GCNT1: variants seen among roughly 807,000 people sequenced by gnomAD.
The protein encoded by GCNT1 is glucosaminyl (N-acetyl) transferase 1.
A neutral mutation model predicts 26.2 loss-of-function variants in GCNT1; 16 were observed. That is an observed-to-expected ratio of 0.61 (90% CI 0.41 to 0.93). GCNT1 has a LOEUF of 0.93. Among genes scored for constraint, GCNT1 ranks in the 40% least tolerant of loss-of-function variants. The pLI, the probability that GCNT1 is intolerant of heterozygous loss-of-function variation, is 0.00. For missense variants in GCNT1, 477 were observed against 526.7 expected, an observed-to-expected ratio of 0.91 and a Z score of 0.92; for synonymous variants, 183 against 190.8, an observed-to-expected ratio of 0.96 and a Z score of 0.34.
At chr9:76,450,318 A>G (rs1823644322) in intron 1 of GCNT1, among the ~76,000 whole-genome samples, 1 of 152,210 alleles carries the variant, frequency 6.6e-6, no homozygotes, top group African/African-American at 2.4e-5. Context: ...ACAGATGTGC[A>G]CTTTTATATT....
Position 76,494,647 on chromosome 9 carries a change from C to T in GCNT1, c.-289-6269C>T, listed in dbSNP as rs112108372. ...CCTGAAGTTTATACTAGAAATCATT[C>T]TTATAGGAGAAACTAGAAAAGCACC... On this transcript the variant is annotated intron_variant, in intron 2 of 3. Transcript: ENST00000376730. Among the ~76,000 whole-genome samples the T allele has an allele frequency of 8.0e-3, 1,213 of 152,226 alleles. 15 individuals carry two copies. Among genetic ancestry groups the T allele is most frequent in the African/African-American group, 0.026 (1,079 of 41,532 alleles).
At chr9:76,454,128 C>A (rs1401411004) in intron 1 of GCNT1, among the ~76,000 whole-genome samples, 1 of 151,774 alleles carries the variant, frequency 6.6e-6, no homozygotes, top group Non-Finnish European at 1.5e-5. Flanking sequence ...TGCCTGTAAT[C>A]CCAGCACTCT....
At chr9:76,404,120 C>G in the GCNT1 span, among the ~76,000 whole-genome samples, 1 of 152,204 alleles carries the variant, frequency 6.6e-6, no homozygotes, top group African/African-American at 2.4e-5. Context: ...TATGTTCTCT[C>G]AAATTCATGA....
chr9:76,458,667 G>T, upstream of GCNT1, among the ~76,000 whole-genome samples: 1 of 152,126 alleles, frequency 6.6e-6, no homozygotes, highest in East Asian at 1.9e-4. Context: ...ACTTTCCACA[G>T]CACTGTGGAT....
At chr9:76,406,897 C>G in the GCNT1 span, among the ~76,000 whole-genome samples, 8 of 151,940 alleles carry the variant, frequency 5.3e-5, no homozygotes, top group African/African-American at 1.4e-4. Flanking sequence ...AATAATTAGC[C>G]GGGCATGGTG....
At chr9:76,493,635 C>T (rs1824813997) in intron 2 of GCNT1, among the ~76,000 whole-genome samples, 2 of 152,052 alleles carry the variant, frequency 1.3e-5, no homozygotes. Context: ...TTGCTTGTTT[C>T]CTTCTGGGCG....
chr9:76,432,913 G>A (rs776336113), intron 1 of GCNT1, among the ~76,000 whole-genome samples: 12 of 151,386 alleles, frequency 7.9e-5, no homozygotes, highest in Admixed American at 2.6e-4. Context: ...ACCTTTGAAC[G>A]GTGCCTTTGT....
the GCNT1 span, chr9:76,399,599 T>C: frequency 9.0e-7 from 1 of 1,114,128 alleles, no homozygotes; most frequent in South Asian, 1.2e-5. Context: ...TGTTCTTGCA[T>C]AGGCTCTTAA....
At chr9:76,494,681 G>A (rs992493409) in intron 2 of GCNT1, among the ~76,000 whole-genome samples, 1 of 152,132 alleles carries the variant, frequency 6.6e-6, no homozygotes. Flanking sequence ...CCAGAGACAG[G>A]GAGTGGTTTT....
At chr9:76,410,113 A>G in the GCNT1 span, among the ~76,000 whole-genome samples, 1 of 152,124 alleles carries the variant, frequency 6.6e-6, no homozygotes, top group African/African-American at 2.4e-5. Context: ...TGTGACCTGA[A>G]ATAATATATT....
At chr9:76,399,258 G>A in the GCNT1 span, 23 of 1,443,038 alleles carry the variant, frequency 1.6e-5, no homozygotes, top group South Asian at 2.4e-4. Flanking sequence ...CGCATGTGTA[G>A]CACGATTTCC....
chr9:76,467,914 T>G (rs1310920849), intron 2 of GCNT1, among the ~76,000 whole-genome samples: 10 of 137,816 alleles, frequency 7.3e-5, no homozygotes, highest in Admixed American at 1.5e-4. Flanking sequence ...TTTTTTTTTT[T>G]TTTTTTTTTT....
At chr9:76,424,513 CGGACTT>C in intron 1 of GCNT1, among the ~76,000 whole-genome samples, 1 of 152,232 alleles carries the variant, frequency 6.6e-6, no homozygotes, top group South Asian at 2.1e-4. Context: ...GGACTGGTGT[CGGACTT>C]CAGGTAAGGC....
intron 1 of GCNT1, among the ~76,000 whole-genome samples, chr9:76,434,647 C>T (rs1037812606): frequency 2.6e-5 from 4 of 151,986 alleles, no homozygotes; most frequent in African/African-American, 4.8e-5. Context: ...AGAATAACAC[C>T]GATTTTAGGG....
upstream of GCNT1, among the ~76,000 whole-genome samples, chr9:76,415,558 G>C (rs977870752): frequency 1.3e-5 from 2 of 152,212 alleles, no homozygotes; most frequent in Admixed American, 6.5e-5. Flanking sequence ...GAACCTAGAA[G>C]GGTAGAGGGA....
chr9:76,437,083 T>A (rs1823420117), upstream of GCNT1, among the ~76,000 whole-genome samples: 1 of 151,626 alleles, frequency 6.6e-6, no homozygotes, highest in Non-Finnish European at 1.5e-5. Flanking sequence ...ATTGTGCACA[T>A]GTACCCTAGA....
intron 2 of GCNT1, among the ~76,000 whole-genome samples, chr9:76,467,246 G>C (rs1214866114): frequency 6.6e-6 from 1 of 152,154 alleles, no homozygotes; most frequent in Non-Finnish European, 1.5e-5. Context: ...GTTTCACCGT[G>C]TTAGCCAGGA....
At chr9:76,480,663 A>C (rs1262525431) in intron 2 of GCNT1, among the ~76,000 whole-genome samples, 3 of 152,124 alleles carry the variant, frequency 2.0e-5, no homozygotes, top group Admixed American at 6.5e-5. Flanking sequence ...TCTTCTGTTA[A>C]CGTGCTAATA....
intron 1 of GCNT1, among the ~76,000 whole-genome samples, chr9:76,428,265 C>CAAAAAAAAAAAAAAAAAAAAAAAAAA (rs869195487): frequency 1.7e-4 from 5 of 29,772 alleles, no homozygotes; most frequent in African/African-American, 4.1e-4. Flanking sequence ...GACTCCGTCT[C>CAAAAAAAAAAAAAAAAAAAAAAAAAA]AAAAAAAAAA....
Sources: allele counts gnomAD v4.1 joint callset (sites outside exome capture counted in the v4.1 genomes callset), GRCh38; gene constraint gnomAD v4.1.1; transcripts MANE v1.5; gene names NCBI Gene and HGNC (gene_info 2026-07-23, HGNC 2026-07-21).